The following CEP104 variants were observed in gnomAD, a reference collection of about 807,000 sequenced individuals.
CEP104 encodes centrosomal protein 104.
In CEP104, 84 loss-of-function variants were observed where a neutral mutation model predicts 113.3. The ratio of observed to expected loss-of-function variants is 0.74; its 90% CI spans 0.62 to 0.89. The LOEUF is 0.89. CEP104 is among the 40% of genes least tolerant of loss of function. CEP104 has a pLI of 0.00. For synonymous variants in CEP104, 378 were observed against 421.7 expected, an observed-to-expected ratio of 0.90 and a Z score of 1.27; for missense variants, 1,053 against 1,156.6, an observed-to-expected ratio of 0.91 and a Z score of 1.30.
rs548662963 is a variant in CEP104, at chr1:3,848,143, A to G, written c.287+465T>C. On this transcript the variant is annotated intron_variant, in intron 3 of 21. Coordinates refer to ENST00000378230, the MANE Select transcript of CEP104 (RefSeq NM_014704.4). ...GAAATTATAGCGCTGCTTTTTAAGC[A>G]CATTCAATAAGAGGCAGGTGTTAAG... is the stretch of plus-strand genomic sequence containing the variant. 6.6e-5 allele frequency among the ~76,000 whole-genome samples: 10 copies of G among 152,278 alleles called. No homozygotes were observed. The East Asian group carries it at 1.5e-3, about 23-fold the overall frequency.
chr1:3,853,596 C>T (rs1299112244), intron 1 of CEP104, among the ~76,000 whole-genome samples: 1 of 152,036 alleles, frequency 6.6e-6, no homozygotes, highest in Admixed American at 6.6e-5. Context: ...ATTGAGAATT[C>T]GAAGAGGACC....
intron 12 of CEP104, 113 bp downstream of exon 12, chr1:3,833,749 G>T: frequency 9.9e-7 from 1 of 1,010,048 alleles, no homozygotes. Flanking sequence ...GAATCCCTGA[G>T]AATAATGTTA....
rs529042163 is a variant in CEP104 at position 3,837,105 on chromosome 1, T to C, written c.1119+187A>G. On this transcript the variant is annotated intron_variant, in intron 9 of 21. Coordinates refer to ENST00000378230, the MANE Select transcript of CEP104 (RefSeq NM_014704.4). ...GATTTTAATAAACATGCTCACAAGG[T>C]GTCATTAGGCCTATTCCTTATGTGG... 8.5e-5 allele frequency: 49 copies of C among 578,232 alleles called. 1 individual carries two copies. The South Asian group carries it at 1.1e-3, about 13-fold the overall frequency. The allele number at this position is 578,232 out of a possible 1,614,324, so 35.8% of individuals were successfully genotyped here. A position where few individuals can be genotyped will look rare whatever the true frequency, so the allele number is the denominator to read the frequency against.
In CEP104 at chr1:3,823,009, G is replaced by A. The variant is rs1261134633; in HGVS notation, c.2571+165C>T. Reference sequence around the variant, plus strand: ...AAATCATGTGAACACGTAGGTAAACGGAACGACTGCTCAGACAGGGCTCAC... The same window carrying A: ...AAATCATGTGAACACGTAGGTAAACAGAACGACTGCTCAGACAGGGCTCAC... On this transcript the variant is annotated intron_variant, in intron 20 of 21. Transcript: ENST00000378230. This position sits in a 1 kb window ranked among gnomAD's most constrained non-coding sequence, Gnocchi z 4.1. The A allele has an allele frequency of 1.4e-5, 9 of 659,626 alleles. No homozygotes were observed. In the East Asian group the frequency reaches 2.0e-4, roughly 15 times the overall value. 40.9% of individuals were successfully genotyped at this position (659,626 alleles called of 1,614,324 possible). A position where few individuals can be genotyped will look rare whatever the true frequency, so the allele number is the denominator to read the frequency against.
intron 17 of CEP104, 101 bp from the exon 18 acceptor site, chr1:3,825,967 T>G: frequency 1.2e-6 from 1 of 807,954 alleles, no homozygotes; most frequent in Non-Finnish European, 2.1e-6. Flanking sequence ...CCCCAGTCCC[T>G]GTGATGTGTG....
At chr1:3,818,554 G>A (rs1228871568) in intron 20 of CEP104, among the ~76,000 whole-genome samples, 1 of 152,154 alleles carries the variant, frequency 6.6e-6, no homozygotes, top group East Asian at 1.9e-4. Flanking sequence ...GCTCTCAACA[G>A]AGCAGCAAAA....
chr1:3,815,599 C>CTGCAGAGCA, intron 21 of CEP104, 82 bp from the exon 22 acceptor site: 1 of 976,252 alleles, frequency 1.0e-6, no homozygotes, highest in Non-Finnish European at 1.5e-6. Flanking sequence ...CACAGACACC[C>CTGCAGAGCA]AGCAACAACG....
rs748005579 is a variant in CEP104 at position 3,845,310 on chromosome 1, A to G, written c.468T>C (p.Asp156=). The G allele has an allele frequency of 3.7e-6, 6 of 1,609,238 alleles. No homozygotes were observed. Among genetic ancestry groups the G allele is most frequent in the Non-Finnish European group, 5.1e-6 (6 of 1,176,540 alleles). Residue 156 remains aspartate, a synonymous_variant, in exon 5 of 22, where the codon GAT becomes GAC. Transcript: ENST00000378230. The part of the protein sequence containing the change: ...VAINIIGDPA[D]FSDESNTASR... ...TTACAGTATTGCTTTCATCACTGAA[A>G]TCTGCAGGGTCTCCAATGATATTTA...
intron 16 of CEP104, 96 bp from the exon 17 acceptor site, chr1:3,826,532 G>C: frequency 1.5e-6 from 2 of 1,338,762 alleles, no homozygotes; most frequent in Non-Finnish European, 2.1e-6. Flanking sequence ...GATTATACAA[G>C]TAAAAAGGTA....
rs755121339 is a variant in CEP104, at chr1:3,839,115, C to G, written c.740G>C (p.Gly247Ala). 26 of 1,613,708 alleles carry G rather than the reference C, an allele frequency of 1.6e-5. No homozygotes were observed. Among genetic ancestry groups the G allele is most frequent in the Non-Finnish European group, 2.1e-5 (25 of 1,179,766 alleles). Residue 247 changes from glycine (G) to alanine (A), a missense_variant, in exon 8 of 22, where the codon GGT becomes GCT. Coordinates refer to ENST00000378230, the MANE Select transcript of CEP104 (RefSeq NM_014704.4). The part of the protein sequence containing the change: ...KQAIADLQKV[G>A]ERLGRYEVEK... ...TACCTCATACCTCCCAAGGCGTTCA[C>G]CAACCTGAAGCACAAAATATTTGCT... is the stretch of plus-strand genomic sequence containing the variant.
At chr1:3,818,463 G>A (rs183599530) in intron 20 of CEP104, among the ~76,000 whole-genome samples, 3 of 152,310 alleles carry the variant, frequency 2.0e-5, no homozygotes, top group Admixed American at 6.5e-5. Context: ...TCCTGGGTCT[G>A]CCTGCAGTGT....
At chr1:3,828,975 T>G (rs542731821) in intron 15 of CEP104, among the ~76,000 whole-genome samples, 1 of 152,300 alleles carries the variant, frequency 6.6e-6, no homozygotes, top group East Asian at 1.9e-4. Context: ...TGGAGAGCTG[T>G]GGAGGAGAGC....
In CEP104 at chr1:3,847,572, G is replaced by C; in HGVS notation, c.329C>G (p.Ala110Gly). 1 of 1,613,870 alleles carries C rather than the reference G, an allele frequency of 6.2e-7. No individual in the cohort carries two copies. The highest frequency in any genetic ancestry group is 8.5e-7 in the Non-Finnish European group (1 of 1,179,908). ...CACATAAACTGATTTTAGTTCCCGG[G>C]CTTTGCAACCTGTCTTTTCATTATC... ...LCDNEKTGCKARELKSVYVDA... is the reference protein window; with the variant it reads ...LCDNEKTGCKGRELKSVYVDA... The change falls in exon 4 of 22, where the codon GCC (alanine) becomes GGC (glycine). Residue 110 changes from alanine (A) to glycine (G), a missense_variant. Ala to Gly is a moderately conservative substitution (Grantham distance 60). Coordinates refer to ENST00000378230, the MANE Select transcript of CEP104 (RefSeq NM_014704.4).
Position 3,857,155 on chromosome 1 carries a change from C to T in CEP104, c.-281G>A, listed in dbSNP as rs1434169030. The T allele has an allele frequency of 6.5e-6, 1 of 154,178 alleles. No individual in the cohort carries two copies. Among genetic ancestry groups the T allele is most frequent in the Non-Finnish European group, 1.4e-5 (1 of 69,482 alleles). 9.6% of individuals were successfully genotyped at this position (154,178 alleles called of 1,614,324 possible). ...GACAGGGAAGAAGCAGACCCGGCCA[C>T]CTCTGCCCATAGCCCCGGCCGCAGC... On this transcript the variant is annotated 5_prime_UTR_variant, in exon 1 of 22. The change creates a new upstream start codon in the 5' untranslated region. Coordinates refer to ENST00000378230, the MANE Select transcript of CEP104 (RefSeq NM_014704.4).
chr1:3,829,913 G>C lies in CEP104; in HGVS notation c.1921C>G (p.Gln641Glu). The C allele has an allele frequency of 6.2e-7, 1 of 1,614,132 alleles. No homozygotes were observed. The highest frequency in any genetic ancestry group is 8.5e-7 in the Non-Finnish European group (1 of 1,180,020). Residue 641 changes from glutamine to glutamate, a missense_variant, in exon 14 of 22, where the codon CAG becomes GAG. Physicochemically the swap from Gln to Glu is conservative, Grantham distance 29. Coordinates refer to ENST00000378230, the MANE Select transcript of CEP104 (RefSeq NM_014704.4). ...RIILDMYRQHQASILEYLPPD... is the reference protein window; with the variant it reads ...RIILDMYRQHEASILEYLPPD... The stretch of plus-strand genomic sequence containing the variant: ...GGAAGGTACTCCAGGATGGAAGCCT[G>C]GTGCTGTCTGTACATGTCCAAAATA...
In CEP104 at chr1:3,823,918, A is replaced by G. The variant is rs1644032233; in HGVS notation, c.2365-356T>C. Among the ~76,000 whole-genome samples, 1 of 152,194 alleles carries G rather than the reference A, an allele frequency of 6.6e-6. No individual in the cohort carries two copies. Among genetic ancestry groups the G allele is most frequent in the Admixed American group, 6.5e-5 (1 of 15,286 alleles). ...GAAATTGTGGCTCCCCACTATTTCT[A>G]AGAATGCACACAGAAACAGGACCAC... On this transcript the variant is annotated intron_variant, in intron 18 of 21. Transcript: ENST00000378230. The surrounding 1 kb of genome is among the most constrained non-coding windows in gnomAD (Gnocchi z 4.1).
At chr1:3,821,170 C>T (rs762743100) in intron 20 of CEP104, among the ~76,000 whole-genome samples, 9 of 152,194 alleles carry the variant, frequency 5.9e-5, no homozygotes, top group African/African-American at 1.7e-4. Context: ...ATTCCAGGTC[C>T]GGGGAAGGAA....
At chr1:3,818,232 T>C (rs1027568312) in intron 20 of CEP104, among the ~76,000 whole-genome samples, 12 of 152,216 alleles carry the variant, frequency 7.9e-5, no homozygotes, top group African/African-American at 2.7e-4. Flanking sequence ...TTCTCCTCTG[T>C]CTACACTTGC....
chr1:3,849,472 C>A (rs1303700221), intron 2 of CEP104, among the ~76,000 whole-genome samples: 1 of 152,116 alleles, frequency 6.6e-6, no homozygotes, highest in African/African-American at 2.4e-5. Context: ...CTCAGGGGAT[C>A]CTCCCCCTTC....
Sources: gnomAD v4.1 joint callset for allele counts (sites outside exome capture counted in the v4.1 genomes callset) on GRCh38, gnomAD v4.1.1 for gene constraint, Gnocchi (gnomAD v3.1) non-coding constraint, MANE v1.5 for transcripts, NCBI Gene and HGNC (gene_info 2026-07-23, HGNC 2026-07-21) for gene names.